AHI1: variants seen among roughly 807,000 people sequenced by gnomAD.
AHI1 encodes Abelson helper integration site 1.
Under a neutral mutation model 149.3 loss-of-function variants are expected in AHI1, and 123 were observed. The observed-to-expected ratio is 0.82, with a 90% CI of 0.71 to 0.96. The LOEUF is 0.96. AHI1 is among the 40% of genes least tolerant of loss of function. The pLI is 0.00. For synonymous variants in AHI1, 475 were observed against 459.8 expected (o/e 1.03, Z -0.42); for missense variants, 1,439 against 1,422.7 (o/e 1.01, Z -0.18).
At chr6:135,293,397 AAAAAAAAAG>A (rs1375472620) in intron 27 of AHI1, among the ~76,000 whole-genome samples, 4,273 of 111,370 alleles carry the variant, frequency 0.038, 142 homozygotes, top group African/African-American at 0.13. Flanking sequence ...CAGGGCAAAA[AAAAAAAAAG>A]AAAAAAAAAA....
chr6:135,364,095 C>G (rs1355856361), intron 23 of AHI1, among the ~76,000 whole-genome samples: 1 of 150,680 alleles, frequency 6.6e-6, no homozygotes, highest in South Asian at 2.1e-4. Flanking sequence ...CCCTCCCGGA[C>G]GAGGTGGCTG....
intron 26 of AHI1, among the ~76,000 whole-genome samples, chr6:135,308,951 G>C (rs969965858): frequency 1.3e-5 from 2 of 152,212 alleles, no homozygotes; most frequent in Admixed American, 1.3e-4. Context: ...AGAGAGTTAA[G>C]AGGGTCCTGG....
chr6:135,299,699 G>A (rs1384988448), intron 27 of AHI1, among the ~76,000 whole-genome samples: 1 of 152,046 alleles, frequency 6.6e-6, no homozygotes, highest in African/African-American at 2.4e-5. Flanking sequence ...AAGTGACACA[G>A]CAAGTACTAA....
intron 23 of AHI1, among the ~76,000 whole-genome samples, chr6:135,380,274 A>T (rs947292346): frequency 6.6e-6 from 1 of 152,082 alleles, no homozygotes; most frequent in Admixed American, 6.6e-5. Flanking sequence ...AAAGAAATGC[A>T]TCTGTAATGA....
intron 20 of AHI1, among the ~76,000 whole-genome samples, chr6:135,422,661 A>G (rs1783369291): frequency 6.6e-6 from 1 of 151,586 alleles, no homozygotes; most frequent in South Asian, 2.1e-4. Flanking sequence ...GTATGTATAC[A>G]TGTATGTATG....
In AHI1 at chr6:135,490,074, G is replaced by A. The variant is rs1795040931; in HGVS notation, c.135+549C>T. On this transcript the variant is annotated intron_variant, in intron 5 of 28. Transcript: ENST00000265602. The stretch of plus-strand genomic sequence containing the variant: ...TACAGACTCTTTATGATTCCAAGGG[G>A]ATCAGGTTGTAGTTAGTTGCTGATT... The A allele has an allele frequency of 1.9e-5, 13 of 678,274 alleles. 1 individual carries two copies. In the South Asian group the frequency reaches 2.2e-4, roughly 11 times the overall value. 42.0% of individuals were successfully genotyped at this position (678,274 alleles called of 1,614,324 possible).
At position 135,488,409 on chromosome 6, in the gene AHI1, C is replaced by A. The variant is rs147350486; in HGVS notation, c.135+2214G>T. The stretch of plus-strand genomic sequence containing the variant: ...ATTAGATTTTTCCGTAGTGTCAATT[C>A]CATCATTTTAGGCCTGAGATATAGT... On this transcript the variant is annotated intron_variant, in intron 5 of 28. Coordinates refer to ENST00000265602, the MANE Select transcript of AHI1 (RefSeq NM_001134831.2). 5.3e-5 allele frequency among the ~76,000 whole-genome samples: 8 copies of A among 152,194 alleles called. No individual in the cohort carries two copies. The East Asian group carries it at 1.5e-3, about 29-fold the overall frequency.
At chr6:135,375,091 T>TA (rs1320727363) in intron 23 of AHI1, among the ~76,000 whole-genome samples, 5 of 152,228 alleles carry the variant, frequency 3.3e-5, no homozygotes, top group African/African-American at 1.2e-4. Flanking sequence ...TACTGGGCTA[T>TA]AACTCTATTG....
chr6:135,350,676 C>T (rs1330958205), intron 24 of AHI1, among the ~76,000 whole-genome samples: 5 of 152,062 alleles, frequency 3.3e-5, no homozygotes, highest in Non-Finnish European at 5.9e-5. Flanking sequence ...GAAAAGTTAA[C>T]ATTTACCTGG....
intron 23 of AHI1, among the ~76,000 whole-genome samples, chr6:135,379,436 A>G (rs1776376739): frequency 1.3e-5 from 2 of 152,242 alleles, no homozygotes; most frequent in South Asian, 4.2e-4. Flanking sequence ...TAATGCCCTA[A>G]CACCTTTTAT....
Position 135,318,550 on chromosome 6 carries a change from G to C in AHI1, c.3395C>G (p.Thr1132Ser), listed in dbSNP as rs920897302. Residue 1132 changes from threonine to serine, a missense_variant, in exon 26 of 29, where the codon ACT (threonine) becomes AGT (serine). Coordinates refer to ENST00000265602, the MANE Select transcript of AHI1 (RefSeq NM_001134831.2). ...AGGAGCTGGAGATTTTTCTATTTTAGTTTTTTCCTCAGGGCTTAAAGGAGG... is the reference window on the plus strand; with the variant it reads ...AGGAGCTGGAGATTTTTCTATTTTACTTTTTTCCTCAGGGCTTAAAGGAGG... ...RSPPLSPEEK[T>S]KIEKSPAPQK... is the part of the protein sequence containing the mutation. 6.2e-6 allele frequency: 10 copies of C among 1,600,440 alleles called. No individual in the cohort carries two copies. In the Middle Eastern group the frequency reaches 6.6e-4, roughly 106 times the overall value.
At chr6:135,349,936 C>A (rs914025749) in intron 24 of AHI1, among the ~76,000 whole-genome samples, 1 of 152,194 alleles carries the variant, frequency 6.6e-6, no homozygotes, top group Non-Finnish European at 1.5e-5. Flanking sequence ...CTTTCTCCTG[C>A]CTCATTCATA....
Position 135,455,898 on chromosome 6 carries a change from T to C in AHI1, c.1180A>G (p.Lys394Glu). The C allele has an allele frequency of 6.6e-7, 1 of 1,524,834 alleles. No homozygotes were observed. The allele number at this position is 1,524,834 out of a possible 1,614,324, so 94.5% of individuals were successfully genotyped here. ...SGRPVSSYYE[K>E]ENVDYILPIM... Reference sequence around the variant, plus strand: ...GGAAGAATATAATCCACATTCTCTTTTTCATAGTAAGATGAAACAGGCCGT... The same window carrying C: ...GGAAGAATATAATCCACATTCTCTTCTTCATAGTAAGATGAAACAGGCCGT... The change falls in exon 10 of 29, where the codon AAA (lysine) becomes GAA (glutamate). Residue 394 changes from lysine to glutamate, a missense_variant. Physicochemically the swap from Lys to Glu is moderately conservative, Grantham distance 56. Coordinates refer to ENST00000265602, the MANE Select transcript of AHI1 (RefSeq NM_001134831.2).
At chr6:135,359,689 C>T (rs750738031) in intron 23 of AHI1, among the ~76,000 whole-genome samples, 2 of 152,090 alleles carry the variant, frequency 1.3e-5, no homozygotes, top group Non-Finnish European at 2.9e-5. Context: ...AGTGGTCATG[C>T]CAGAGTTCAG....
At chr6:135,388,955 C>T (rs1181491527) in intron 23 of AHI1, among the ~76,000 whole-genome samples, 2 of 151,296 alleles carry the variant, frequency 1.3e-5, no homozygotes, top group Non-Finnish European at 2.9e-5. Flanking sequence ...GAGGTTACAG[C>T]GAGCTGAGAC....
chr6:135,480,131 T>G (rs1054443258), intron 5 of AHI1, among the ~76,000 whole-genome samples: 5 of 152,150 alleles, frequency 3.3e-5, no homozygotes, highest in Non-Finnish European at 7.3e-5. Flanking sequence ...ACTAATACAA[T>G]TTTCTACCAT....
chr6:135,329,526 GAA>G (rs1179074144), intron 24 of AHI1, among the ~76,000 whole-genome samples: 1 of 151,998 alleles, frequency 6.6e-6, no homozygotes, highest in Non-Finnish European at 1.5e-5. Context: ...CTTCTGCTCA[GAA>G]AAAAAGATTC....
chr6:135,415,169 T>G (rs1344514297), intron 20 of AHI1, among the ~76,000 whole-genome samples: 1 of 152,062 alleles, frequency 6.6e-6, no homozygotes, highest in African/African-American at 2.4e-5. Flanking sequence ...CTTCATAGTA[T>G]TCCATGGTGT....
At chr6:135,475,956 AGGTT>A (rs1385262582) in intron 5 of AHI1, among the ~76,000 whole-genome samples, 9 of 152,094 alleles carry the variant, frequency 5.9e-5, no homozygotes, top group African/African-American at 1.9e-4. Context: ...GATTTACTGA[AGGTT>A]TTCTATTTTA....
Sources: gnomAD v4.1 joint callset for allele counts (sites outside exome capture counted in the v4.1 genomes callset) on GRCh38, gnomAD v4.1.1 for gene constraint, MANE v1.5 for transcripts, NCBI Gene and HGNC (gene_info 2026-07-23, HGNC 2026-07-21) for gene names.